KPNA3: variants seen among roughly 807,000 people sequenced by gnomAD.
The protein encoded by KPNA3 is karyopherin subunit alpha 3, also known as importin subunit alpha-4.
Under a neutral mutation model 73.8 loss-of-function variants are expected in KPNA3, and 13 were observed. The ratio of observed to expected loss-of-function variants is 0.18; its 90% confidence interval spans 0.11 to 0.28. The LOEUF is 0.28. Ranked by LOEUF, KPNA3 falls within the 10% of genes least tolerant of loss-of-function variation. The pLI is 1.00. For synonymous variants in KPNA3, 186 were observed against 206.9 expected, an observed-to-expected ratio of 0.90 and a Z score of 0.87; for missense variants, 360 against 618.1, an observed-to-expected ratio of 0.58 and a Z score of 4.43.
chr13:49,713,544 GCAAAAAA>G, intron 10 of KPNA3, among the ~76,000 whole-genome samples: 1 of 147,576 alleles, frequency 6.8e-6, no homozygotes, highest in South Asian at 2.2e-4. Context: ...CTATCACAAG[GCAAAAAA>G]CTTATACATT....
intron 1 of KPNA3, among the ~76,000 whole-genome samples, chr13:49,773,859 AG>A (rs1342660381): frequency 6.6e-6 from 1 of 152,194 alleles, no homozygotes; most frequent in Admixed American, 6.5e-5. Flanking sequence ...GAAAAAAGAA[AG>A]GAAGAAGTAA....
Position 49,709,559 on chromosome 13 carries a change from T to A in KPNA3, c.1032+13A>T. On this transcript the variant is annotated intron_variant, in intron 12 of 16. Coordinates refer to ENST00000261667, the MANE Select transcript of KPNA3 (RefSeq NM_002267.4). Reference sequence around the variant, plus strand: ...AGAAAGAAATAGCATAATGAGGACATTATATGCCTTACCTTATTTATCTTC... The same window carrying A: ...AGAAAGAAATAGCATAATGAGGACAATATATGCCTTACCTTATTTATCTTC... The A allele has an allele frequency of 6.2e-7, 1 of 1,607,884 alleles. No individual in the cohort carries two copies. Among genetic ancestry groups the A allele is most frequent in the Non-Finnish European group, 8.5e-7 (1 of 1,175,426 alleles).
chr13:49,730,845 C>T (rs1367964283), intron 6 of KPNA3, among the ~76,000 whole-genome samples: 19 of 141,958 alleles, frequency 1.3e-4, no homozygotes, highest in East Asian at 4.5e-4. Context: ...GGTGCGATCT[C>T]GGCTCACCGC....
chr13:49,778,089 T>C (rs990788696), intron 1 of KPNA3, among the ~76,000 whole-genome samples: 4 of 152,218 alleles, frequency 2.6e-5, no homozygotes, highest in Non-Finnish European at 4.4e-5. Flanking sequence ...TTTTGGCAGA[T>C]GAAACATAAT....
intron 7 of KPNA3, among the ~76,000 whole-genome samples, chr13:49,723,007 A>C (rs1040591714): frequency 4.6e-5 from 7 of 152,092 alleles, no homozygotes; most frequent in Non-Finnish European, 8.8e-5. Flanking sequence ...CTCTTTACAG[A>C]ATGTATACAT....
At chr13:49,759,824 G>C (rs189202726) in intron 1 of KPNA3, among the ~76,000 whole-genome samples, 3 of 152,280 alleles carry the variant, frequency 2.0e-5, no homozygotes, top group African/African-American at 7.2e-5. Context: ...AATGGGCCAC[G>C]GACTGGTAGT....
Position 49,731,381 on chromosome 13 carries a change from G to A in KPNA3, c.383+990C>T, listed in dbSNP as rs536918129. Among the ~76,000 whole-genome samples the A allele has an allele frequency of 4.8e-4, 73 of 151,268 alleles. No individual in the cohort carries two copies. The South Asian group carries it at 0.013, about 26-fold the overall frequency. On this transcript the variant is annotated intron_variant, in intron 6 of 16. Transcript: ENST00000261667. ...TGGGATTACAGGCGTGAGCCACTGCGTCCAGCCAGAATTTATTTTTTCAAC... is the reference window on the plus strand; with the variant it reads ...TGGGATTACAGGCGTGAGCCACTGCATCCAGCCAGAATTTATTTTTTCAAC...
At chr13:49,727,535 T>C (rs1053344664) in intron 6 of KPNA3, among the ~76,000 whole-genome samples, 1 of 151,188 alleles carries the variant, frequency 6.6e-6, no homozygotes, top group Non-Finnish European at 1.5e-5. Context: ...ATGTCAGAGA[T>C]ATAGCAAATA....
In KPNA3 at chr13:49,702,423, G is replaced by T; in HGVS notation, c.1430C>A (p.Ala477Glu). The stretch of plus-strand genomic sequence containing the variant: ...GAAATACTGATCTATGATTTCAAAT[G>T]CTAATTTATATATGTCTTCATTTTC... Reference protein sequence around the residue: ...QHENEDIYKLAFEIIDQYFSG... With the variant: ...QHENEDIYKLEFEIIDQYFSG... Residue 477 changes from alanine (A) to glutamate (E), a missense_variant, in exon 16 of 17, where the codon GCA (alanine) becomes GAA (glutamate). By Grantham distance (107) the Ala-to-Glu change is moderately radical. Transcript: ENST00000261667. The T allele has an allele frequency of 6.5e-7, 1 of 1,550,320 alleles. No homozygotes were observed. The highest frequency in any genetic ancestry group is 1.1e-5 in the South Asian group (1 of 87,120).
intron 7 of KPNA3, among the ~76,000 whole-genome samples, chr13:49,723,397 C>T (rs1954378156): frequency 6.6e-6 from 1 of 152,034 alleles, no homozygotes; most frequent in Admixed American, 6.6e-5. Flanking sequence ...TGGTGAAACC[C>T]TGTCTCTACT....
At chr13:49,770,734 G>C (rs1008311300) in intron 1 of KPNA3, among the ~76,000 whole-genome samples, 4 of 149,756 alleles carry the variant, frequency 2.7e-5, no homozygotes, top group Admixed American at 2.0e-4. Flanking sequence ...TCTTGTATGT[G>C]GATAGTCATT....
chr13:49,752,756 C>T (rs988863143), intron 1 of KPNA3, among the ~76,000 whole-genome samples: 1 of 152,020 alleles, frequency 6.6e-6, no homozygotes, highest in Admixed American at 6.6e-5. Context: ...GGGCTGGGCA[C>T]GGTGGCTTAC....
At chr13:49,731,013 C>T (rs1221945479) in intron 6 of KPNA3, among the ~76,000 whole-genome samples, 2 of 151,716 alleles carry the variant, frequency 1.3e-5, no homozygotes, top group Non-Finnish European at 2.9e-5. Flanking sequence ...ATCTCCTGAC[C>T]TCATGACCCA....
rs566140283 is a variant in KPNA3, at chr13:49,709,389, ACT to A, written c.1032+181_1032+182del. Among the ~76,000 whole-genome samples the A allele has an allele frequency of 1.7e-4, 23 of 138,144 alleles. No individual in the cohort carries two copies. The East Asian group carries it at 3.1e-3, about 18-fold the overall frequency. 90.6% of individuals were successfully genotyped at this position (138,144 alleles called of 152,430 possible). On this transcript the variant is annotated intron_variant, in intron 12 of 16. Coordinates refer to ENST00000261667, the MANE Select transcript of KPNA3 (RefSeq NM_002267.4). ...GCACTCCAGCCTAGGCAACAGACAG[ACT>A]CTGTCTCAAAAAAAAAAAAAAAAAA...
At position 49,755,436 on chromosome 13, in the gene KPNA3, A is replaced by G. The variant is rs572100063; in HGVS notation, c.70-8443T>C. Among the ~76,000 whole-genome samples the G allele has an allele frequency of 3.3e-5, 5 of 152,358 alleles. 1 individual carries two copies. In the South Asian group the frequency reaches 6.2e-4, roughly 19 times the overall value. ...TCTCACCACTATTATTCAACATAGT[A>G]TAAGAAGTTCCAGCCAGTAAAATAA... On this transcript the variant is annotated intron_variant, in intron 1 of 16. Coordinates refer to ENST00000261667, the MANE Select transcript of KPNA3 (RefSeq NM_002267.4).
At chr13:49,702,353 A>G in intron 16 of KPNA3, 33 bp downstream of exon 16, 1 of 1,089,968 alleles carries the variant, frequency 9.2e-7, no homozygotes, top group Non-Finnish European at 1.4e-6. Flanking sequence ...TTTCATTTAC[A>G]TGAAGATACA....
chr13:49,786,530 G>T (rs1954983765), intron 1 of KPNA3, among the ~76,000 whole-genome samples: 1 of 152,128 alleles, frequency 6.6e-6, no homozygotes, highest in Admixed American at 6.5e-5. Flanking sequence ...GAATGACATG[G>T]TGTGGCAGAA....
chr13:49,732,402 T>C lies in KPNA3; in HGVS notation c.352A>G (p.Ile118Val), dbSNP rs747735726. The part of the protein sequence containing the change: ...DDLIKSGILP[I>V]LVKCLERDDN... ...TCCCTTTCTAGACATTTGACTAGAA[T>C]TGGTAAAATCCCAGATTTTATTAAG... is the stretch of plus-strand genomic sequence containing the variant. Residue 118 changes from isoleucine to valine, a missense_variant, in exon 6 of 17, where the codon ATT (isoleucine) becomes GTT (valine). Physicochemically the swap from Ile to Val is conservative, Grantham distance 29. Coordinates refer to ENST00000261667, the MANE Select transcript of KPNA3 (RefSeq NM_002267.4). 4 of 1,593,444 alleles carry C rather than the reference T, an allele frequency of 2.5e-6. No individual in the cohort carries two copies. The highest frequency in any genetic ancestry group is 1.7e-5 in the Admixed American group (1 of 58,818).
At chr13:49,784,978 T>C (rs1223361191) in intron 1 of KPNA3, among the ~76,000 whole-genome samples, 4 of 151,972 alleles carry the variant, frequency 2.6e-5, no homozygotes, top group Middle Eastern at 6.8e-3. Context: ...TACCCAGAGT[T>C]GAGTATTTAA....
Sources: gnomAD v4.1 joint callset for allele counts (sites outside exome capture counted in the v4.1 genomes callset) on GRCh38, gnomAD v4.1.1 for gene constraint, MANE v1.5 for transcripts, NCBI Gene and HGNC (gene_info 2026-07-23, HGNC 2026-07-21) for gene names.